Variants in MTM1 observed in about 807,000 individuals in gnomAD.
The protein encoded by MTM1 is myotubularin.
In MTM1, 9 loss-of-function variants were observed where a neutral mutation model predicts 52.1. The observed-to-expected ratio is 0.17, with a 90% CI of 0.10 to 0.30. MTM1 has a LOEUF of 0.30. Ranked by LOEUF, MTM1 falls within the 10% of genes least tolerant of loss-of-function variation. The pLI is 1.00. For synonymous variants in MTM1, 136 were observed against 163.8 expected (o/e 0.83, Z 1.29); for missense variants, 277 against 470.7 (o/e 0.59, Z 3.81).
intron 4 of MTM1, among the ~76,000 whole-genome samples, chrX:150,607,266 G>A (rs1380873232): frequency 9.0e-6 from 1 of 110,879 alleles, no homozygotes; most frequent in East Asian, 2.8e-4. Flanking sequence ...GGGATTACAG[G>A]CGCGAGCCAC....
intron 1 of MTM1, among the ~76,000 whole-genome samples, chrX:150,576,495 A>T (rs2038474320): frequency 9.0e-6 from 1 of 111,427 alleles, no homozygotes; most frequent in South Asian, 3.7e-4. Flanking sequence ...AATTATGTTC[A>T]TTTGTTTCCC....
chrX:150,655,108 G>A (rs2040087991), intron 10 of MTM1, among the ~76,000 whole-genome samples: 2 of 110,274 alleles, frequency 1.8e-5, no homozygotes, highest in Admixed American at 9.7e-5. Context: ...GGAGGATCAC[G>A]AGGTCAGGAG....
Position 150,583,897 on chromosome X carries a change from GATAT to G in MTM1, c.-10-8696_-10-8693del, listed in dbSNP as rs551009399. On this transcript the variant is annotated intron_variant, in intron 1 of 14. Transcript: ENST00000370396. ...ATATATTAAATATATATATATATTT[GATAT>G]ATATATATATAATATAAAATATATA... Among the ~76,000 whole-genome samples, 335 of 37,369 alleles carry G rather than the reference GATAT, an allele frequency of 9.0e-3. 32 individuals are homozygous for G. Among genetic ancestry groups the G allele is most frequent in the African/African-American group, 0.021 (265 of 12,574 alleles). The allele number at this position is 37,369 out of a possible 115,157, so 32.5% of individuals were successfully genotyped here. A position where few individuals can be genotyped will look rare whatever the true frequency, so the allele number is the denominator to read the frequency against.
rs782740989 is a variant in MTM1 at position 150,645,759 on chromosome X, A to G, written c.755A>G (p.Lys252Arg). The change falls in exon 9 of 15, where the codon AAA becomes AGA. Residue 252 changes from lysine to arginine, a missense_variant. Lys to Arg is a conservative substitution (Grantham distance 26, BLOSUM62 2). Coordinates refer to ENST00000370396, the MANE Select transcript of MTM1 (RefSeq NM_000252.3). ...CAGCCTCTTGTCGGTATGAGTGGGA[A>G]ACGAAATAAAGATGATGAGAAATAT... ...CSQPLVGMSG[K>R]RNKDDEKYLD... The G allele has an allele frequency of 2.0e-5, 24 of 1,208,998 alleles. No individual in the cohort carries two copies. The South Asian group carries it at 4.0e-4, about 20-fold the overall frequency.
chrX:150,582,901 C>T (rs2038611526), intron 1 of MTM1, among the ~76,000 whole-genome samples: 1 of 104,722 alleles, frequency 9.5e-6, no homozygotes, highest in Non-Finnish European at 1.9e-5. Flanking sequence ...ATAGACTGCC[C>T]ATCTGCTTGA....
intron 6 of MTM1, among the ~76,000 whole-genome samples, chrX:150,622,982 G>T (rs1557413334): frequency 1.8e-5 from 2 of 111,922 alleles, no homozygotes; most frequent in East Asian, 5.6e-4. Context: ...GGGCTCCTTT[G>T]AGAATACGAT....
chrX:150,583,225 T>A (rs1477432169), intron 1 of MTM1, among the ~76,000 whole-genome samples: 1 of 69,901 alleles, frequency 1.4e-5, no homozygotes, highest in Admixed American at 2.5e-4. Context: ...AAAAATTATA[T>A]AAATTATATA....
chrX:150,593,949 G>C (rs2038932653), intron 2 of MTM1, among the ~76,000 whole-genome samples: 1 of 110,854 alleles, frequency 9.0e-6, no homozygotes, highest in Non-Finnish European at 1.9e-5. Flanking sequence ...CTGGGCGACA[G>C]AGTGAGATCC....
At chrX:150,661,147 C>CT (rs2040213605) in intron 13 of MTM1, among the ~76,000 whole-genome samples, 1 of 111,005 alleles carries the variant, frequency 9.0e-6, no homozygotes, top group Non-Finnish European at 1.9e-5. Context: ...CCTCAGCCTC[C>CT]TGAGTAGGTG....
chrX:150,601,645 T>C (rs2039069022), intron 4 of MTM1, among the ~76,000 whole-genome samples: 1 of 112,101 alleles, frequency 8.9e-6, no homozygotes, highest in Non-Finnish European at 1.9e-5. Context: ...ACAGTGTCCA[T>C]GTCCTGAGAT....
chrX:150,641,549 C>T (rs1569565498), intron 8 of MTM1, 131 bp downstream of exon 8: 1 of 775,101 alleles, frequency 1.3e-6, no homozygotes, highest in Non-Finnish European at 1.9e-6. Flanking sequence ...TTTGTGAGTA[C>T]AAAGTACCAT....
intron 14 of MTM1, among the ~76,000 whole-genome samples, chrX:150,669,407 C>T (rs782760789): frequency 7.2e-5 from 8 of 111,687 alleles, no homozygotes; most frequent in South Asian, 3.8e-4. Context: ...CTGGGTCTAA[C>T]GGTATGTCTG....
Position 150,643,984 on chromosome X carries a change from G to C in MTM1, c.679-1699G>C, listed in dbSNP as rs148547362. 6.1e-3 allele frequency among the ~76,000 whole-genome samples: 680 copies of C among 110,793 alleles called. 4 individuals are homozygous for C. Among genetic ancestry groups the C allele is most frequent in the African/African-American group, 0.021 (638 of 30,571 alleles). On this transcript the variant is annotated intron_variant, in intron 8 of 14. Transcript: ENST00000370396. ...CCCCCCTCCTGCAAAGAAATTAAGA[G>C]GAGAAACAACTCAGAGGAGTAGCAT... is the stretch of plus-strand genomic sequence containing the variant.
At chrX:150,567,752 C>T (rs782305936), upstream of MTM1, among the ~76,000 whole-genome samples, 7 of 111,547 alleles carry the variant, frequency 6.3e-5, 1 homozygote, top group East Asian at 2.0e-3. Flanking sequence ...CGAGGTTTCA[C>T]CATGTCGTCC....
chrX:150,618,215 T>C (rs2039417727), intron 5 of MTM1, among the ~76,000 whole-genome samples: 1 of 112,198 alleles, frequency 8.9e-6, no homozygotes, highest in Non-Finnish European at 1.9e-5. Flanking sequence ...AATAAAAATA[T>C]ATGACTTGCA....
At chrX:150,576,404 G>T (rs1412719515) in intron 1 of MTM1, among the ~76,000 whole-genome samples, 1 of 111,486 alleles carries the variant, frequency 9.0e-6, no homozygotes, top group Non-Finnish European at 1.9e-5. Context: ...TCCTACTATT[G>T]TTTGTTTGTG....
chrX:150,585,062 GGAGAGA>G lies in MTM1; in HGVS notation c.-10-7524_-10-7519del, dbSNP rs368036277. ...AAATATGTATGGTGTACAGAGAAGTGGAGAGAGAGAGAGAGAGAGAGAGAAAGAGTG... is the reference window on the plus strand; with the variant it reads ...AAATATGTATGGTGTACAGAGAAGTGGAGAGAGAGAGAGAGAGAAAGAGTG... On this transcript the variant is annotated intron_variant, in intron 1 of 14. Coordinates refer to ENST00000370396, the MANE Select transcript of MTM1 (RefSeq NM_000252.3). 1.8e-4 allele frequency among the ~76,000 whole-genome samples: 18 copies of G among 101,093 alleles called. No homozygotes were observed. The South Asian group carries it at 2.8e-3, about 16-fold the overall frequency. The allele number at this position is 101,093 out of a possible 115,157, so 87.8% of individuals were successfully genotyped here. A position where few individuals can be genotyped will look rare whatever the true frequency, so the allele number is the denominator to read the frequency against.
intron 10 of MTM1, among the ~76,000 whole-genome samples, chrX:150,653,720 A>C (rs1159849473): frequency 2.7e-5 from 3 of 112,264 alleles, no homozygotes; most frequent in Non-Finnish European, 5.6e-5. Context: ...ATTCCAGTTC[A>C]CTGACAGCCC....
intron 2 of MTM1, among the ~76,000 whole-genome samples, chrX:150,593,720 C>T (rs1297508648): frequency 8.9e-6 from 1 of 111,754 alleles, no homozygotes; most frequent in African/African-American, 3.3e-5. Flanking sequence ...AATCCTAGCA[C>T]TTTAGGAGGC....
Sources: allele counts gnomAD v4.1 joint callset (sites outside exome capture counted in the v4.1 genomes callset), GRCh38; gene constraint gnomAD v4.1.1; transcripts MANE v1.5; gene names NCBI Gene and HGNC (gene_info 2026-07-23, HGNC 2026-07-21).